MEIG1: variants seen among roughly 807,000 people sequenced by gnomAD.
The protein encoded by MEIG1 is meiosis/spermiogenesis associated 1, also known as meiosis expressed gene 1 protein homolog.
A neutral mutation model predicts 11.3 loss-of-function variants in MEIG1; 12 were observed. The ratio of observed to expected loss-of-function variants is 1.07; its 90% CI spans 0.68 to 1.73. The LOEUF (loss-of-function observed/expected upper bound fraction) is 1.73, where lower values mean the gene tolerates loss of function less well. Among genes scored for constraint, MEIG1 ranks in the 40% most tolerant of loss-of-function variants. MEIG1 has a pLI of 0.00. For missense variants in MEIG1, 119 were observed against 104.9 expected, an observed-to-expected ratio of 1.13 and a Z score of -0.59; for synonymous variants, 41 against 33.2, an observed-to-expected ratio of 1.24 and a Z score of -0.81.
intron 1 of MEIG1, among the ~76,000 whole-genome samples, chr10:14,986,506 C>T (rs1843320069): frequency 6.6e-6 from 1 of 152,178 alleles, no homozygotes; most frequent in South Asian, 2.1e-4. Context: ...TTCCATCTTT[C>T]TGTATTTCAG....
chr10:14,962,027 A>G (rs1231403250), intron 1 of MEIG1, among the ~76,000 whole-genome samples: 1 of 151,644 alleles, frequency 6.6e-6, no homozygotes, highest in Non-Finnish European at 1.5e-5. Context: ...CTGGTCTTGA[A>G]CTCGGACTCA....
chr10:14,963,387 G>A (rs569854159), intron 1 of MEIG1, among the ~76,000 whole-genome samples: 3 of 152,118 alleles, frequency 2.0e-5, no homozygotes, highest in Admixed American at 6.5e-5. Flanking sequence ...GAGCCACCAC[G>A]CCCAGCCTAA....
Position 14,966,424 on chromosome 10 carries a change from T to G in MEIG1, c.-29-16T>G. On this transcript the variant is annotated splice_polypyrimidine_tract_variant and intron_variant, in intron 1 of 2. Transcript: ENST00000407572. Reference sequence around the variant, plus strand: ...ACTATTACATTATCCATTAATGTTGTTTTAACATCTTTCAGATATTATTGA... The same window carrying G: ...ACTATTACATTATCCATTAATGTTGGTTTAACATCTTTCAGATATTATTGA... 6.5e-7 allele frequency: 1 copy of G among 1,545,262 alleles called. No homozygotes were observed. Among genetic ancestry groups the G allele is most frequent in the Non-Finnish European group, 8.7e-7 (1 of 1,144,584 alleles).
At chr10:14,967,408 G>A (rs1285456870) in intron 2 of MEIG1, among the ~76,000 whole-genome samples, 1 of 151,990 alleles carries the variant, frequency 6.6e-6, no homozygotes. Context: ...TAGAGACCTA[G>A]CTTTGCTTTA....
At chr10:14,972,363 T>A in intron 2 of MEIG1, 150 bp from the exon 3 acceptor site, 1 of 940,342 alleles carries the variant, frequency 1.1e-6, no homozygotes. Context: ...ATGTGTCTTG[T>A]GGGTATCATA....
chr10:14,968,562 T>C (rs1282942659), intron 2 of MEIG1, among the ~76,000 whole-genome samples: 1 of 152,134 alleles, frequency 6.6e-6, no homozygotes, highest in Non-Finnish European at 1.5e-5. Flanking sequence ...TACGGAACTA[T>C]CATGTTATTA....
Position 14,959,442 on chromosome 10 carries a change from G to T in MEIG1, c.-145G>T, listed in dbSNP as rs1286661239. The T allele has an allele frequency of 6.6e-6, 1 of 152,406 alleles. No individual in the cohort carries two copies. Among genetic ancestry groups the T allele is most frequent in the Non-Finnish European group, 1.5e-5 (1 of 68,156 alleles). The allele number at this position is 152,406 out of a possible 1,614,324, so 9.4% of individuals were successfully genotyped here. ...CAACACTTGGCCTCTCGCTGGCCCT[G>T]CTCGCGGATCCCGAGTAGAGAACGC... On this transcript the variant is annotated 5_prime_UTR_variant, in exon 1 of 3. Coordinates refer to ENST00000407572, the MANE Select transcript of MEIG1 (RefSeq NM_001080836.3).
At position 14,972,666 on chromosome 10, in the gene MEIG1, A is replaced by T. The variant is rs921034042; in HGVS notation, c.*25A>T. The T allele has an allele frequency of 2.6e-6, 4 of 1,558,310 alleles. No homozygotes were observed. Among genetic ancestry groups the T allele is most frequent in the African/African-American group, 2.8e-5 (2 of 72,320 alleles). ...GCCTGTCTTCTTTGTATTACTTGTC[A>T]ATTATATTTTAAGTATTCATCATTT... On this transcript the variant is annotated 3_prime_UTR_variant, in exon 3 of 3. Transcript: ENST00000407572.
chr10:14,965,601 A>G (rs1843071284), intron 1 of MEIG1, among the ~76,000 whole-genome samples: 2 of 152,136 alleles, frequency 1.3e-5, no homozygotes, highest in South Asian at 2.1e-4. Context: ...TTAAGAAGTG[A>G]AAAAGAATAA....
chr10:14,978,365 T>C (rs1843231898), intron 1 of MEIG1, among the ~76,000 whole-genome samples: 1 of 151,992 alleles, frequency 6.6e-6, no homozygotes, highest in Admixed American at 6.6e-5. Flanking sequence ...ATCACAGTGA[T>C]TGTCCACACT....
intron 1 of MEIG1, among the ~76,000 whole-genome samples, chr10:14,984,183 G>C (rs1438275132): frequency 6.6e-6 from 1 of 151,694 alleles, no homozygotes; most frequent in African/African-American, 2.4e-5. Flanking sequence ...GGGAGAGGGG[G>C]GTGCTATTAC....
chr10:14,971,216 G>GATAATGATAATAATAATA (rs1554806492), intron 2 of MEIG1, among the ~76,000 whole-genome samples: 2 of 143,642 alleles, frequency 1.4e-5, no homozygotes, highest in African/African-American at 2.6e-5. Context: ...TAATAATAAT[G>GATAATGATAATAATAATA]ATAATAATAA....
intron 1 of MEIG1, among the ~76,000 whole-genome samples, chr10:14,964,869 C>T (rs530910792): frequency 6.6e-6 from 1 of 151,510 alleles, no homozygotes; most frequent in Admixed American, 6.6e-5. Flanking sequence ...CTCACTGCAA[C>T]CTCCACCTCC....
At chr10:14,956,567 A>G (rs1241258128), upstream of MEIG1, among the ~76,000 whole-genome samples, 1 of 152,128 alleles carries the variant, frequency 6.6e-6, no homozygotes, top group Non-Finnish European at 1.5e-5. Flanking sequence ...GGGCAACAAG[A>G]GCGAAACTCC....
intron 1 of MEIG1, among the ~76,000 whole-genome samples, chr10:14,965,846 G>A (rs1031395378): frequency 4.6e-5 from 7 of 152,054 alleles, no homozygotes; most frequent in African/African-American, 1.2e-4. Context: ...ACATCACTCC[G>A]TAACTCCAAC....
chr10:14,972,854 C>A lies in MEIG1; in HGVS notation c.*213C>A. On this transcript the variant is annotated 3_prime_UTR_variant, in exon 3 of 3. Coordinates refer to ENST00000407572, the MANE Select transcript of MEIG1 (RefSeq NM_001080836.3). ...GCATTAAAGTTGTACTTTCTTGGTCCTGCTCTTTTTGTCCATTTTATTTTA... is the reference window on the plus strand; with the variant it reads ...GCATTAAAGTTGTACTTTCTTGGTCATGCTCTTTTTGTCCATTTTATTTTA... 2.5e-6 allele frequency: 1 copy of A among 405,644 alleles called. No homozygotes were observed. Among genetic ancestry groups the A allele is most frequent in the Non-Finnish European group, 4.4e-6 (1 of 227,558 alleles). 25.1% of individuals were successfully genotyped at this position (405,644 alleles called of 1,614,324 possible).
In MEIG1 at chr10:14,972,567, A is replaced by G; in HGVS notation, c.193A>G (p.Thr65Ala). 3 of 1,613,934 alleles carry G rather than the reference A, an allele frequency of 1.9e-6. No homozygotes were observed. Among genetic ancestry groups the G allele is most frequent in the Non-Finnish European group, 2.5e-6 (3 of 1,179,914 alleles). ...YVKKLQRRDN[T>A]FYYYNKQREC... is the part of the protein sequence containing the mutation. ...GAAGAAACTTCAGAGAAGGGACAAT[A>G]CGTTCTATTACTACAACAAACAGAG... The change falls in exon 3 of 3, where the codon ACG becomes GCG. Residue 65 changes from threonine to alanine, a missense_variant. By Grantham distance (58) the Thr-to-Ala change is moderately conservative. Coordinates refer to ENST00000407572, the MANE Select transcript of MEIG1 (RefSeq NM_001080836.3).
intron 1 of MEIG1, among the ~76,000 whole-genome samples, chr10:14,985,496 T>C (rs1471928583): frequency 6.6e-6 from 1 of 151,994 alleles, no homozygotes; most frequent in Non-Finnish European, 1.5e-5. Flanking sequence ...ATGTTATTTT[T>C]AATGTCACCG....
intron 1 of MEIG1, among the ~76,000 whole-genome samples, chr10:14,983,568 A>C (rs1440711514): frequency 6.6e-6 from 1 of 151,958 alleles, no homozygotes; most frequent in African/African-American, 2.4e-5. Context: ...ATTGTTCTTA[A>C]TATTCAAAGG....
Sources: gnomAD v4.1 joint callset for allele counts (sites outside exome capture counted in the v4.1 genomes callset) on GRCh38, gnomAD v4.1.1 for gene constraint, MANE v1.5 for transcripts, NCBI Gene and HGNC (gene_info 2026-07-23, HGNC 2026-07-21) for gene names.